SNX14: variants seen among roughly 807,000 people sequenced by gnomAD.
SNX14 encodes sorting nexin 14, also known as sorting nexin-14.
A neutral mutation model predicts 133.8 loss-of-function variants in SNX14; 93 were observed. The ratio of observed to expected loss-of-function variants is 0.70; its 90% CI spans 0.59 to 0.83. SNX14 has a LOEUF of 0.83. Ranked by LOEUF, SNX14 falls within the 40% of genes least tolerant of loss-of-function variation. The pLI, the probability that SNX14 is intolerant of heterozygous loss-of-function variation, is 0.00. For missense variants in SNX14, 945 were observed against 1,094.9 expected, an observed-to-expected ratio of 0.86 and a Z score of 1.93; for synonymous variants, 368 against 365.6, an observed-to-expected ratio of 1.01 and a Z score of -0.07.
intron 7 of SNX14, 66 bp downstream of exon 7, chr6:85,557,910 A>T: frequency 1.2e-6 from 1 of 840,544 alleles, no homozygotes; most frequent in Non-Finnish European, 2.0e-6. Context: ...TCATATTTAG[A>T]TATTTCGGGT....
chr6:85,537,690 T>C (rs1012990389), intron 16 of SNX14, among the ~76,000 whole-genome samples: 1 of 152,230 alleles, frequency 6.6e-6, no homozygotes, highest in Non-Finnish European at 1.5e-5. Context: ...GGCTCACACT[T>C]GTAATCCCAG....
chr6:85,506,603 A>G (rs189403961), intron 28 of SNX14, among the ~76,000 whole-genome samples: 222 of 152,338 alleles, frequency 1.5e-3, no homozygotes, highest in African/African-American at 5.1e-3. Context: ...GGCGTGAGCC[A>G]CCGTGCCCAG....
chr6:85,526,905 C>T (rs944330967), intron 20 of SNX14, among the ~76,000 whole-genome samples: 2 of 151,940 alleles, frequency 1.3e-5, no homozygotes, highest in African/African-American at 4.8e-5. Context: ...CCCGTCTGTA[C>T]TAAAAATACA....
chr6:85,593,712 G>T lies in SNX14; in HGVS notation c.7C>A (p.Pro3Thr). 6.2e-7 allele frequency: 1 copy of T among 1,613,664 alleles called. No individual in the cohort carries two copies. Among genetic ancestry groups the T allele is most frequent in the East Asian group, 2.2e-5 (1 of 44,866 alleles). Residue 3 changes from proline to threonine, a missense_variant, in exon 1 of 29, where the codon CCC becomes ACC. Pro to Thr is a conservative substitution (Grantham distance 38, BLOSUM62 -1). Coordinates refer to ENST00000314673, the MANE Select transcript of SNX14 (RefSeq NM_153816.6). MV[P>T]WVRTMGQKLK... ...TTCTGCCCCATCGTCCGCACCCAGG[G>T]CACCATCTCCGTAACGGCGAGGCCG... is the stretch of plus-strand genomic sequence containing the variant.
intron 5 of SNX14, among the ~76,000 whole-genome samples, chr6:85,566,891 T>C (rs1794043562): frequency 6.6e-6 from 1 of 152,106 alleles, no homozygotes; most frequent in Admixed American, 6.6e-5. Context: ...AATTTCAAAA[T>C]AGATTTCTGT....
At chr6:85,544,231 T>C (rs1562285142) in intron 12 of SNX14, among the ~76,000 whole-genome samples, 1 of 152,246 alleles carries the variant, frequency 6.6e-6, no homozygotes, top group Middle Eastern at 3.4e-3. Flanking sequence ...AAATAAAAGA[T>C]GGTAGTATTA....
chr6:85,587,799 A>G (rs1391747212), intron 1 of SNX14, among the ~76,000 whole-genome samples: 1 of 152,258 alleles, frequency 6.6e-6, no homozygotes, highest in African/African-American at 2.4e-5. Flanking sequence ...TGCAACAACT[A>G]GTAAGTGAAA....
At chr6:85,516,632 C>CTTTT (rs746721196) in intron 23 of SNX14, among the ~76,000 whole-genome samples, 16 of 126,420 alleles carry the variant, frequency 1.3e-4, no homozygotes, top group African/African-American at 1.9e-4. Flanking sequence ...CTTCCTTAAT[C>CTTTT]TTTTTTTTTT....
intron 20 of SNX14, among the ~76,000 whole-genome samples, chr6:85,527,132 T>G (rs1778758836): frequency 6.6e-6 from 1 of 152,162 alleles, no homozygotes; most frequent in Non-Finnish European, 1.5e-5. Context: ...CTTAATAGTT[T>G]CCTAACTATG....
chr6:85,582,363 T>C (rs1044176337), intron 1 of SNX14, among the ~76,000 whole-genome samples: 1 of 152,058 alleles, frequency 6.6e-6, no homozygotes, highest in African/African-American at 2.4e-5. Flanking sequence ...ATGTTAAAGG[T>C]AGTTCTTCAA....
chr6:85,540,371 G>A (rs193296076), intron 15 of SNX14, among the ~76,000 whole-genome samples: 1 of 152,280 alleles, frequency 6.6e-6, no homozygotes, highest in African/African-American at 2.4e-5. Context: ...AACATCTTAT[G>A]TCTATAAACA....
chr6:85,571,542 T>C (rs1583026857), intron 4 of SNX14, among the ~76,000 whole-genome samples: 1 of 152,188 alleles, frequency 6.6e-6, no homozygotes, highest in Non-Finnish European at 1.5e-5. Flanking sequence ...ATACGTGACC[T>C]GATACTTGGT....
chr6:85,532,719 G>C (rs1257768383), intron 18 of SNX14, among the ~76,000 whole-genome samples: 1 of 151,990 alleles, frequency 6.6e-6, no homozygotes, highest in Non-Finnish European at 1.5e-5. Context: ...TTTTTAATTT[G>C]ATTTCTTTTT....
In SNX14 at chr6:85,505,953, C is replaced by A. The variant is rs61745951; in HGVS notation, c.*14G>T. 263 of 1,593,860 alleles carry A rather than the reference C, an allele frequency of 1.7e-4. 1 individual carries two copies. In the African/African-American group the frequency reaches 3.4e-3, roughly 20 times the overall value. The stretch of plus-strand genomic sequence containing the variant: ...AGAAATTTCAATGGGTTATTCTATA[C>A]CAAATCCAAGTGTTTACATCCAAGA... On this transcript the variant is annotated 3_prime_UTR_variant, in exon 29 of 29. Transcript: ENST00000314673.
In SNX14 at chr6:85,574,080, T is replaced by C. The variant is rs568227744; in HGVS notation, c.261+178A>G. On this transcript the variant is annotated intron_variant, in intron 2 of 28. Transcript: ENST00000314673. ...TTTTTATAATAATAAAATCATTTTA[T>C]AATAAAATCACTGCTTTTAGCAGAG... Among the ~76,000 whole-genome samples the C allele has an allele frequency of 1.4e-3, 186 of 131,050 alleles. 1 individual carries two copies. Among genetic ancestry groups the C allele is most frequent in the African/African-American group, 4.9e-3 (173 of 35,264 alleles). The allele number at this position is 131,050 out of a possible 152,430, so 86.0% of individuals were successfully genotyped here. A position where few individuals can be genotyped will look rare whatever the true frequency, so the allele number is the denominator to read the frequency against.
In SNX14 at chr6:85,565,331, C is replaced by A; in HGVS notation, c.549+1G>T. ...CCAAATTTCTCATTAAAAATATATA[C>A]CTTGTGAATCCTTCTTATTAAGACA... On this transcript the variant is annotated splice_donor_variant, in intron 6 of 28. Coordinates refer to ENST00000314673, the MANE Select transcript of SNX14 (RefSeq NM_153816.6). LOFTEE classifies it high-confidence loss of function. The A allele has an allele frequency of 6.4e-7, 1 of 1,561,990 alleles. No homozygotes were observed. The highest frequency in any genetic ancestry group is 1.2e-5 in the South Asian group (1 of 85,188).
intron 1 of SNX14, chr6:85,589,225 C>CT (rs34164476): frequency 0.029 from 3,765 of 130,886 alleles, 100 homozygotes; most frequent in African/African-American, 0.051. Context: ...TCTGGCACCA[C>CT]TTTTTTTTTT....
rs1340743748 is a variant in SNX14 at position 85,547,516 on chromosome 6, T to C, written c.902A>G (p.Asp301Gly). The C allele has an allele frequency of 2.5e-6, 4 of 1,602,758 alleles. No homozygotes were observed. Among genetic ancestry groups the C allele is most frequent in the Non-Finnish European group, 3.4e-6 (4 of 1,176,740 alleles). The change falls in exon 10 of 29, where the codon GAT (aspartate) becomes GGT (glycine). Residue 301 changes from aspartate to glycine, a missense_variant. Transcript: ENST00000314673. ...TVNHLLIIFI[D>G]DSPPEKATEP... ...ATATTCAATACTCACTGGACTGTCA[T>C]CTATGAAGATGATAAGCAAATGATT...
intron 2 of SNX14, among the ~76,000 whole-genome samples, chr6:85,572,849 C>T (rs1796117365): frequency 6.6e-6 from 1 of 152,026 alleles, no homozygotes; most frequent in African/African-American, 2.4e-5. Flanking sequence ...ATCCCAGCTA[C>T]CCAGGAGGCT....
Sources: gnomAD v4.1 joint callset for allele counts (sites outside exome capture counted in the v4.1 genomes callset) on GRCh38, gnomAD v4.1.1 for gene constraint, MANE v1.5 for transcripts, NCBI Gene and HGNC (gene_info 2026-07-23, HGNC 2026-07-21) for gene names.